ARFGAP3: variants seen among roughly 807,000 people sequenced by gnomAD.
The protein encoded by ARFGAP3 is ARF GTPase activating protein 3, also known as ADP-ribosylation factor GTPase-activating protein 3.
ARFGAP3 carries 72 observed loss-of-function variants against 75.0 expected under a neutral mutation model. The observed-to-expected ratio is 0.96, with a 90% CI of 0.79 to 1.17. The LOEUF (loss-of-function observed/expected upper bound fraction) is 1.17, where lower values mean the gene tolerates loss of function less well. ARFGAP3 is among the 50% of genes most tolerant of loss of function. The pLI is 0.00. For missense variants in ARFGAP3, 620 were observed against 626.6 expected, an observed-to-expected ratio of 0.99 and a Z score of 0.11; for synonymous variants, 221 against 217.9, an observed-to-expected ratio of 1.01 and a Z score of -0.13.
intron 2 of ARFGAP3, among the ~76,000 whole-genome samples, chr22:42,845,681 A>C (rs941660467): frequency 2.0e-5 from 3 of 152,184 alleles, no homozygotes; most frequent in African/African-American, 7.2e-5. Context: ...TTGTGAACAA[A>C]AATTAATTCA....
intron 14 of ARFGAP3, among the ~76,000 whole-genome samples, chr22:42,802,608 T>TAATAGAATACCA (rs1924922593): frequency 6.8e-6 from 1 of 147,584 alleles, no homozygotes; most frequent in Non-Finnish European, 1.5e-5. Flanking sequence ...TAAGAATTTT[T>TAATAGAATACCA]TTTTTTTTTT....
At chr22:42,831,794 T>G (rs552798398) in intron 5 of ARFGAP3, 158 bp from the exon 6 acceptor site, 4 of 1,414,476 alleles carry the variant, frequency 2.8e-6, no homozygotes, top group Admixed American at 2.8e-5. Context: ...GCTTTCTTTT[T>G]TTTTTAGAAA....
intron 11 of ARFGAP3, among the ~76,000 whole-genome samples, chr22:42,812,224 C>CAAA (rs3046479): frequency 0.041 from 2,280 of 56,102 alleles, 150 homozygotes; most frequent in African/African-American, 0.07. Flanking sequence ...GATACTGTCT[C>CAAA]AAAAAAAAAA....
In ARFGAP3 at chr22:42,808,878, G is replaced by A. The variant is rs1473323022; in HGVS notation, c.1209C>T (p.Arg403=). ...TTGYSDRPTA[R]RKPDYEPVEN... ...CAACTGGCTCATAATCTGGCTTGCG[G>A]CGAGCAGTAGGTCTGCAATTAAAAA... The change falls in exon 13 of 16, where the codon CGC becomes CGT. Residue 403 remains arginine, a synonymous_variant. Coordinates refer to ENST00000263245, the MANE Select transcript of ARFGAP3 (RefSeq NM_014570.5). The A allele has an allele frequency of 1.2e-6, 2 of 1,610,174 alleles. No homozygotes were observed. The highest frequency in any genetic ancestry group is 2.7e-5 in the African/African-American group (2 of 74,862).
chr22:42,811,464 A>G (rs1232181592), intron 11 of ARFGAP3, among the ~76,000 whole-genome samples: 1 of 152,226 alleles, frequency 6.6e-6, no homozygotes, highest in Non-Finnish European at 1.5e-5. Context: ...GCAATCACAA[A>G]TAACACTGCT....
chr22:42,855,251 T>C (rs1398410172), intron 1 of ARFGAP3, among the ~76,000 whole-genome samples: 1 of 152,222 alleles, frequency 6.6e-6, no homozygotes, highest in Admixed American at 6.5e-5. Context: ...AAAATTATCT[T>C]TGAATTAAAT....
At chr22:42,854,483 T>A (rs1210373699) in intron 1 of ARFGAP3, among the ~76,000 whole-genome samples, 31 of 152,074 alleles carry the variant, frequency 2.0e-4, no homozygotes, top group Admixed American at 2.0e-3. Context: ...AAATTAGCCA[T>A]GCGTGATGGC....
At chr22:42,849,400 C>T (rs940993182) in intron 1 of ARFGAP3, among the ~76,000 whole-genome samples, 12 of 152,212 alleles carry the variant, frequency 7.9e-5, no homozygotes, top group African/African-American at 2.7e-4. Flanking sequence ...CCGAGGACTA[C>T]GTTCCCTGCC....
chr22:42,799,091 G>T lies in ARFGAP3; in HGVS notation c.1481C>A (p.Ser494Ter), dbSNP rs1924735606. Residue 494 changes from serine to a stop codon, truncating the protein, a stop_gained, in exon 15 of 16, where the codon TCG becomes TAG. Coordinates refer to ENST00000263245, the MANE Select transcript of ARFGAP3 (RefSeq NM_014570.5). LOFTEE classifies it high-confidence loss of function. ...DMAQFKQGVR[S>*]VAGKLSVFAN... ...AAAGACGGAGAGTTTTCCAGCAACC[G>T]ATCTCACTCCCTGCTTGAACTGCGC... The T allele has an allele frequency of 3.1e-6, 5 of 1,614,132 alleles. No individual in the cohort carries two copies. Among genetic ancestry groups the T allele is most frequent in the Non-Finnish European group, 8.5e-7 (1 of 1,180,034 alleles).
Position 42,834,253 on chromosome 22 carries a change from CG to C in ARFGAP3, c.465del (p.His155GlnfsTer6). On this transcript the variant is annotated frameshift_variant, in exon 5 of 16. Coordinates refer to ENST00000263245, the MANE Select transcript of ARFGAP3 (RefSeq NM_014570.5). LOFTEE classifies it high-confidence loss of function. ...PPKEEDFFASHVSPEVSDTAW... is the reference protein window; with the variant it reads ...PPKEEDFFASXVSPEVSDTAW... ...AGCATAATACATACCTCAGGAGAAA[CG>C]TGAGAGGCAAAAAAATCTTCCTCCT... The C allele has an allele frequency of 6.2e-7, 1 of 1,613,710 alleles. No homozygotes were observed. Among genetic ancestry groups the C allele is most frequent in the Non-Finnish European group, 8.5e-7 (1 of 1,179,882 alleles).
chr22:42,824,103 C>G (rs1925933814), intron 7 of ARFGAP3, among the ~76,000 whole-genome samples: 1 of 148,858 alleles, frequency 6.7e-6, no homozygotes, highest in Non-Finnish European at 1.5e-5. Context: ...CCTCCCAGAT[C>G]AAGGGAGCCT....
intron 6 of ARFGAP3, among the ~76,000 whole-genome samples, chr22:42,830,440 G>T (rs1030902673): frequency 6.6e-6 from 1 of 152,152 alleles, no homozygotes; most frequent in Non-Finnish European, 1.5e-5. Flanking sequence ...ACCCGCGGTT[G>T]GTGACTGCTT....
chr22:42,799,995 C>T (rs887788839), intron 14 of ARFGAP3, among the ~76,000 whole-genome samples: 4 of 152,170 alleles, frequency 2.6e-5, no homozygotes, highest in African/African-American at 7.2e-5. Flanking sequence ...GTTTTGGTTG[C>T]CCTGATGTAA....
intron 10 of ARFGAP3, 78 bp downstream of exon 10, chr22:42,817,651 T>A (rs1221098760): frequency 1.6e-6 from 2 of 1,220,430 alleles, no homozygotes; most frequent in Non-Finnish European, 2.3e-6. Flanking sequence ...AAGTTGAAAC[T>A]AACACAGTCC....
intron 14 of ARFGAP3, among the ~76,000 whole-genome samples, chr22:42,806,104 G>A (rs555431946): frequency 6.6e-6 from 1 of 152,342 alleles, no homozygotes; most frequent in South Asian, 2.1e-4. Flanking sequence ...GTCACTTAGA[G>A]CCACAGCCAG....
intron 2 of ARFGAP3, among the ~76,000 whole-genome samples, chr22:42,843,006 A>C (rs1023050412): frequency 5.3e-5 from 8 of 151,840 alleles, no homozygotes; most frequent in Admixed American, 1.3e-4. Context: ...CCTCACTTTC[A>C]AGAGAAGGAA....
chr22:42,825,007 C>A (rs2146550953), intron 7 of ARFGAP3, among the ~76,000 whole-genome samples: 1 of 152,278 alleles, frequency 6.6e-6, no homozygotes, highest in Non-Finnish European at 1.5e-5. Flanking sequence ...CTGCAAAGGA[C>A]ATGACTGTTC....
chr22:42,802,737 G>A (rs1924932132), intron 14 of ARFGAP3, among the ~76,000 whole-genome samples: 1 of 151,106 alleles, frequency 6.6e-6, no homozygotes, highest in Non-Finnish European at 1.5e-5. Flanking sequence ...GAGTTGCTGG[G>A]ACTACAGGCG....
Position 42,827,018 on chromosome 22 carries a change from G to T in ARFGAP3, c.566-19C>A, listed in dbSNP as rs1202936077. 2 of 1,612,734 alleles carry T rather than the reference G, an allele frequency of 1.2e-6. No homozygotes were observed. The highest frequency in any genetic ancestry group is 1.7e-6 in the Non-Finnish European group (2 of 1,179,672). On this transcript the variant is annotated intron_variant, in intron 6 of 15. Coordinates refer to ENST00000263245, the MANE Select transcript of ARFGAP3 (RefSeq NM_014570.5). ...TGTCCACCTGAAAATTCAAAACATT[G>T]ATATTAGCGCAGAAAATATACTCAG... is the stretch of plus-strand genomic sequence containing the variant.
Sources: gnomAD v4.1 joint callset for allele counts (sites outside exome capture counted in the v4.1 genomes callset) on GRCh38, gnomAD v4.1.1 for gene constraint, MANE v1.5 for transcripts, NCBI Gene and HGNC (gene_info 2026-07-23, HGNC 2026-07-21) for gene names.